Variants in POFUT3 observed in about 807,000 individuals in gnomAD.
POFUT3 encodes the protein GDP-fucose protein O-fucosyltransferase 3.
At chr8:33,389,523 G>A in the POFUT3 span, 11 of 1,614,190 alleles carry the variant, frequency 6.8e-6, no homozygotes, top group Non-Finnish European at 9.3e-6. Flanking sequence ...CAGTCTGACT[G>A]TACATACACC....
At chr8:33,466,242 C>T in the POFUT3 span, among the ~76,000 whole-genome samples, 1 of 151,982 alleles carries the variant, frequency 6.6e-6, no homozygotes, top group Non-Finnish European at 1.5e-5. Flanking sequence ...CAAAACAAGA[C>T]TCCGTCTCTA....
chr8:33,448,170 G>A, the POFUT3 span, among the ~76,000 whole-genome samples: 1 of 151,626 alleles, frequency 6.6e-6, no homozygotes, highest in African/African-American at 2.4e-5. Flanking sequence ...TGAGACCCCC[G>A]TCTCTACAAA....
the POFUT3 span, among the ~76,000 whole-genome samples, chr8:33,408,148 ACTCTAT>A: frequency 0.3 from 45,472 of 151,042 alleles, 6,887 homozygotes; most frequent in South Asian, 0.44. Flanking sequence ...ATATAGCAAG[ACTCTAT>A]CTCTACAAAA....
chr8:33,339,133 T>A, the POFUT3 span, among the ~76,000 whole-genome samples: 1 of 152,150 alleles, frequency 6.6e-6, no homozygotes, highest in Admixed American at 6.6e-5. Flanking sequence ...AAAGGAGCCA[T>A]AATTTTTTAA....
chr8:33,433,101 G>A, the POFUT3 span, among the ~76,000 whole-genome samples: 1 of 151,794 alleles, frequency 6.6e-6, no homozygotes, highest in Non-Finnish European at 1.5e-5. Flanking sequence ...GGGCACGGTG[G>A]CACACATCTG....
the POFUT3 span, among the ~76,000 whole-genome samples, chr8:33,357,560 A>G: frequency 6.6e-6 from 1 of 151,626 alleles, no homozygotes; most frequent in Non-Finnish European, 1.5e-5. Flanking sequence ...ATATACATAT[A>G]TATGTGTATA....
At chr8:33,352,081 T>C in the POFUT3 span, among the ~76,000 whole-genome samples, 3 of 152,178 alleles carry the variant, frequency 2.0e-5, no homozygotes, top group Non-Finnish European at 2.9e-5. Flanking sequence ...GCTCTGTCAA[T>C]GGGACCAAGT....
chr8:33,461,377 G>T, the POFUT3 span: 57 of 1,609,256 alleles, frequency 3.5e-5, no homozygotes, highest in Non-Finnish European at 4.7e-5. Flanking sequence ...GGTACCTGGA[G>T]TGTGACAAGC....
the POFUT3 span, among the ~76,000 whole-genome samples, chr8:33,365,987 C>T: frequency 6.6e-6 from 1 of 152,126 alleles, no homozygotes; most frequent in Non-Finnish European, 1.5e-5. Context: ...TTCACAATAG[C>T]AAAGACTTGG....
the POFUT3 span, among the ~76,000 whole-genome samples, chr8:33,415,261 C>CA: frequency 5.3e-5 from 8 of 151,456 alleles, no homozygotes; most frequent in African/African-American, 1.7e-4. Context: ...GACTCTGCCT[C>CA]AAAAAAATAA....
the POFUT3 span, among the ~76,000 whole-genome samples, chr8:33,324,768 C>T: frequency 1.3e-5 from 2 of 151,962 alleles, no homozygotes; most frequent in Non-Finnish European, 2.9e-5. Flanking sequence ...ACAGCACCAT[C>T]GCCTATGTAA....
At chr8:33,312,990 C>T in the POFUT3 span, among the ~76,000 whole-genome samples, 4 of 152,136 alleles carry the variant, frequency 2.6e-5, no homozygotes, top group Non-Finnish European at 5.9e-5. Context: ...ATGATGATTC[C>T]ATTACCATCT....
At chr8:33,319,672 A>G in the POFUT3 span, among the ~76,000 whole-genome samples, 3 of 4,850 alleles carry the variant, frequency 6.2e-4, no homozygotes, top group Admixed American at 3.6e-3. Context: ...TATTTTATAT[A>G]TATTTATATA....
chr8:33,469,045 C>A, the POFUT3 span, among the ~76,000 whole-genome samples: 1 of 152,122 alleles, frequency 6.6e-6, no homozygotes, highest in African/African-American at 2.4e-5. Flanking sequence ...GTGGTGCATG[C>A]CTGTAATGCC....
At chr8:33,417,488 A>G in the POFUT3 span, among the ~76,000 whole-genome samples, 1 of 152,152 alleles carries the variant, frequency 6.6e-6, no homozygotes, top group African/African-American at 2.4e-5. Context: ...GAATTAGAAG[A>G]TGAGCTACAG....
chr8:33,414,031 C>T, the POFUT3 span, among the ~76,000 whole-genome samples: 6 of 152,200 alleles, frequency 3.9e-5, 1 homozygote, highest in South Asian at 6.2e-4. Context: ...CTCTGTCCCC[C>T]CTTCACCTCC....
chr8:33,335,149 A>ATGTGTGTG, the POFUT3 span, among the ~76,000 whole-genome samples: 39 of 110,730 alleles, frequency 3.5e-4, 1 homozygote, highest in African/African-American at 8.4e-4. Flanking sequence ...AAAAAGAAAT[A>ATGTGTGTG]TATGTGTGTG....
chr8:33,409,533 G>A, the POFUT3 span, among the ~76,000 whole-genome samples: 2 of 152,306 alleles, frequency 1.3e-5, no homozygotes, highest in African/African-American at 4.8e-5. Context: ...AAAATGTACA[G>A]ATTCCTTCTC....
chr8:33,347,845 A>T, the POFUT3 span, among the ~76,000 whole-genome samples: 1 of 152,196 alleles, frequency 6.6e-6, no homozygotes, highest in Non-Finnish European at 1.5e-5. Context: ...TACCAGACTA[A>T]CATAAGAGAA....
Sources: allele counts gnomAD v4.1 joint callset (sites outside exome capture counted in the v4.1 genomes callset), GRCh38; gene constraint gnomAD v4.1.1; transcripts MANE v1.5; gene names NCBI Gene and HGNC (gene_info 2026-07-23, HGNC 2026-07-21).